Variants in MGAT5 observed in about 807,000 individuals in gnomAD.
The protein encoded by MGAT5 is alpha-1,6-mannosylglycoprotein 6-beta-N-acetylglucosaminyltransferase A.
Under a neutral mutation model 94.3 loss-of-function variants are expected in MGAT5, and 30 were observed. That is an observed-to-expected ratio of 0.32 (90% CI 0.24 to 0.43). The LOEUF is 0.43. Ranked by LOEUF, MGAT5 falls within the 20% of genes least tolerant of loss-of-function variation. The probability of loss-of-function intolerance (pLI) is 1.00; values close to 1 mark genes in which losing one functional copy is unlikely to be tolerated. For missense variants in MGAT5, 691 were observed against 905.5 expected, an observed-to-expected ratio of 0.76 and a Z score of 3.04; for synonymous variants, 310 against 322.9, an observed-to-expected ratio of 0.96 and a Z score of 0.43.
intron 10 of MGAT5, among the ~76,000 whole-genome samples, chr2:134,373,645 C>A (rs950945852): frequency 6.6e-5 from 10 of 152,154 alleles, no homozygotes; most frequent in Non-Finnish European, 1.5e-4. Context: ...CTGGTCCATC[C>A]CAGACAGCAG....
chr2:134,377,937 G>A (rs1164241530), intron 10 of MGAT5, among the ~76,000 whole-genome samples: 2 of 152,088 alleles, frequency 1.3e-5, no homozygotes, highest in Non-Finnish European at 2.9e-5. Flanking sequence ...CAGAGTCCAC[G>A]TGGCATATGC....
intron 2 of MGAT5, 46 bp from the exon 3 acceptor site, chr2:134,317,483 T>C: frequency 1.4e-6 from 2 of 1,389,586 alleles, no homozygotes; most frequent in Admixed American, 2.3e-5. Context: ...TAGGCTTGTG[T>C]TTTATAGATC....
At chr2:134,120,196 C>T in exon 1 of MGAT5, 1 of 260,894 alleles carries the variant, frequency 3.8e-6, no homozygotes, top group East Asian at 6.3e-5. Flanking sequence ...CAGGTAGCCG[C>T]GCCGCAGGCT....
chr2:134,362,731 C>T (rs1680174803), intron 10 of MGAT5, among the ~76,000 whole-genome samples: 1 of 152,198 alleles, frequency 6.6e-6, no homozygotes, highest in Non-Finnish European at 1.5e-5. Flanking sequence ...CTTTCTGGAG[C>T]AAGATACTGC....
intron 1 of MGAT5, among the ~76,000 whole-genome samples, chr2:134,168,683 G>C (rs1366291842): frequency 1.3e-5 from 2 of 152,186 alleles, no homozygotes; most frequent in South Asian, 2.1e-4. Context: ...ATGTGGTCAT[G>C]ATTTGTTTCT....
intron 1 of MGAT5, among the ~76,000 whole-genome samples, chr2:134,159,303 C>CT (rs1234881490): frequency 4.6e-5 from 7 of 151,010 alleles, no homozygotes; most frequent in East Asian, 2.0e-4. Flanking sequence ...TTCCCTTCCT[C>CT]TTTTTTTTTC....
chr2:134,365,660 CAGAT>C lies in MGAT5; in HGVS notation c.1380+3256_1380+3259del, dbSNP rs1229240290. Among the ~76,000 whole-genome samples the C allele has an allele frequency of 2.0e-5, 3 of 152,198 alleles. No individual in the cohort carries two copies. The East Asian group carries it at 5.8e-4, about 29-fold the overall frequency. ...GGAGGGCCTGATAGAGTGGAAGACA[CAGAT>C]AGAACTCCTGCAGCCTGGAGAGAAA... On this transcript the variant is annotated intron_variant, in intron 10 of 15. Transcript: ENST00000281923.
chr2:134,154,076 A>G (rs1391531612), intron 1 of MGAT5, among the ~76,000 whole-genome samples: 3 of 152,224 alleles, frequency 2.0e-5, no homozygotes, highest in Non-Finnish European at 4.4e-5. Flanking sequence ...ACTTTTGTAA[A>G]TAAGAGCCAT....
Position 134,273,587 on chromosome 2 carries a change from G to T in MGAT5, c.406+3037G>T, listed in dbSNP as rs1035028300. On this transcript the variant is annotated intron_variant, in intron 2 of 15. Transcript: ENST00000281923. Reference sequence around the variant, plus strand: ...TTGGGTACCATAGCAATTGAAGAAGGATTCCCTAAATTTATTTTCTTTAGG... The same window carrying T: ...TTGGGTACCATAGCAATTGAAGAAGTATTCCCTAAATTTATTTTCTTTAGG... 2.6e-5 allele frequency among the ~76,000 whole-genome samples: 4 copies of T among 151,728 alleles called. No individual in the cohort carries two copies. In the East Asian group the frequency reaches 7.8e-4, roughly 29 times the overall value.
chr2:134,278,579 GCTACTAGAGACC>G (rs1684517049), intron 2 of MGAT5, among the ~76,000 whole-genome samples: 1 of 152,170 alleles, frequency 6.6e-6, no homozygotes, highest in Non-Finnish European at 1.5e-5. Flanking sequence ...AATGCATATG[GCTACTAGAGACC>G]CTGGTCATGT....
intron 2 of MGAT5, among the ~76,000 whole-genome samples, chr2:134,302,753 TGTGTG>T (rs1208734326): frequency 6.6e-6 from 1 of 150,854 alleles, no homozygotes; most frequent in African/African-American, 2.5e-5. Context: ...TGTGTGTGTG[TGTGTG>T]TGTGTGTGTG....
At chr2:134,300,897 A>G (rs1030246950) in intron 2 of MGAT5, among the ~76,000 whole-genome samples, 3 of 152,206 alleles carry the variant, frequency 2.0e-5, no homozygotes, top group African/African-American at 7.2e-5. Context: ...CATACCCTGC[A>G]CAGCCCAGTT....
Position 134,374,862 on chromosome 2 carries a change from A to G in MGAT5, c.1380+12454A>G, listed in dbSNP as rs1013948676. On this transcript the variant is annotated intron_variant, in intron 10 of 15. Coordinates refer to ENST00000281923, the MANE Select transcript of MGAT5 (RefSeq NM_002410.5). The stretch of plus-strand genomic sequence containing the variant: ...ACATAAATTAACTGGGTGTGGTGAT[A>G]TGCTCCTGTGGTCCCAGCTACTCGG... Among the ~76,000 whole-genome samples, 10 of 152,164 alleles carry G rather than the reference A, an allele frequency of 6.6e-5. 1 individual carries two copies. Among genetic ancestry groups the G allele is most frequent in the Non-Finnish European group, 1.5e-4 (10 of 68,018 alleles).
intron 8 of MGAT5, among the ~76,000 whole-genome samples, chr2:134,348,563 A>T (rs1189511229): frequency 1.3e-5 from 2 of 152,212 alleles, no homozygotes; most frequent in Non-Finnish European, 2.9e-5. Flanking sequence ...TCATACATTG[A>T]AGTGAAAATA....
intron 10 of MGAT5, among the ~76,000 whole-genome samples, chr2:134,379,660 C>A (rs973846404): frequency 2.0e-5 from 3 of 152,204 alleles, no homozygotes; most frequent in Non-Finnish European, 4.4e-5. Flanking sequence ...TGAGGGCAGG[C>A]ACCCAGTGGT....
At chr2:134,228,015 A>G (rs543494072) in intron 1 of MGAT5, among the ~76,000 whole-genome samples, 2 of 152,352 alleles carry the variant, frequency 1.3e-5, no homozygotes, top group South Asian at 2.1e-4. Flanking sequence ...GATGATTTCC[A>G]TATGAGAATT....
At chr2:134,438,092 T>C (rs1307679534) in intron 14 of MGAT5, among the ~76,000 whole-genome samples, 2 of 152,134 alleles carry the variant, frequency 1.3e-5, no homozygotes, top group Non-Finnish European at 2.9e-5. Flanking sequence ...TGAAACTTGC[T>C]GAGCACCAAC....
chr2:134,408,895 AAAC>A (rs1558865228), intron 11 of MGAT5, among the ~76,000 whole-genome samples: 2 of 152,232 alleles, frequency 1.3e-5, no homozygotes, highest in East Asian at 3.8e-4. Flanking sequence ...GTATAAAAAT[AAAC>A]AAGCAAAGCT....
intron 10 of MGAT5, among the ~76,000 whole-genome samples, chr2:134,363,270 C>T (rs1392397102): frequency 1.3e-5 from 2 of 152,150 alleles, no homozygotes; most frequent in African/African-American, 4.8e-5. Context: ...AGTTAGGAAT[C>T]CTACAGCTGA....
Sources: allele counts gnomAD v4.1 joint callset (sites outside exome capture counted in the v4.1 genomes callset), GRCh38; gene constraint gnomAD v4.1.1; transcripts MANE v1.5; gene names NCBI Gene and HGNC (gene_info 2026-07-23, HGNC 2026-07-21).